Variants in GYS2 observed in about 807,000 individuals in gnomAD.
The protein encoded by GYS2 is glycogen [starch] synthase, liver.
Under a neutral mutation model 85.6 loss-of-function variants are expected in GYS2, and 80 were observed. The observed-to-expected ratio is 0.93, with a 90% CI of 0.78 to 1.13. GYS2 has a LOEUF of 1.13. Among genes scored for constraint, GYS2 ranks in the 50% most tolerant of loss-of-function variants. GYS2 has a pLI of 0.00. For missense variants in GYS2, 881 were observed against 854.9 expected, an observed-to-expected ratio of 1.03 and a Z score of -0.38; for synonymous variants, 328 against 300.7, an observed-to-expected ratio of 1.09 and a Z score of -0.94.
chr12:21,596,875 T>C (rs1267768307), intron 1 of GYS2, among the ~76,000 whole-genome samples: 2 of 152,160 alleles, frequency 1.3e-5, no homozygotes, highest in East Asian at 1.9e-4. Context: ...AGAAAGCTCC[T>C]AGAACTGATA....
chr12:21,592,644 G>A (rs1333363438), intron 1 of GYS2, among the ~76,000 whole-genome samples: 2 of 151,962 alleles, frequency 1.3e-5, no homozygotes, highest in Non-Finnish European at 2.9e-5. Flanking sequence ...TAAAGCAAAT[G>A]TTATTAGATA....
intron 5 of GYS2, among the ~76,000 whole-genome samples, chr12:21,566,142 G>A (rs1944317845): frequency 6.6e-6 from 1 of 152,062 alleles, no homozygotes; most frequent in Admixed American, 6.5e-5. Context: ...TAATGATATA[G>A]TAATAAATAT....
At chr12:21,592,289 A>G (rs1308825661) in intron 1 of GYS2, among the ~76,000 whole-genome samples, 1 of 152,020 alleles carries the variant, frequency 6.6e-6, no homozygotes, top group African/African-American at 2.4e-5. Context: ...AAGCTCTCAC[A>G]TGTCAATAAT....
rs75482762 is a variant in GYS2, at chr12:21,589,366, T to C, written c.122-8843A>G. Among the ~76,000 whole-genome samples, 8 of 152,320 alleles carry C rather than the reference T, an allele frequency of 5.3e-5. No homozygotes were observed. The East Asian group carries it at 1.5e-3, about 29-fold the overall frequency. ...TGAGGCCTTCAGATAGTCCCCCATA[T>C]AGCCTTAGAGTGTTTAAAATATGAT... On this transcript the variant is annotated intron_variant, in intron 1 of 15. Coordinates refer to ENST00000261195, the MANE Select transcript of GYS2 (RefSeq NM_021957.4).
chr12:21,576,158 G>A (rs991578803), intron 2 of GYS2, 101 bp from the exon 3 acceptor site: 3 of 907,570 alleles, frequency 3.3e-6, no homozygotes, highest in Middle Eastern at 2.1e-4. Flanking sequence ...GTACTCAATA[G>A]CAAATTAAAC....
intron 7 of GYS2, among the ~76,000 whole-genome samples, chr12:21,561,445 G>C (rs1269305257): frequency 1.3e-5 from 2 of 152,240 alleles, no homozygotes. Context: ...TTTTATTAGG[G>C]AAAGCTACTG....
intron 1 of GYS2, among the ~76,000 whole-genome samples, chr12:21,588,071 T>A (rs555262038): frequency 6.6e-6 from 1 of 152,336 alleles, no homozygotes; most frequent in Non-Finnish European, 1.5e-5. Context: ...CAATACTTTG[T>A]TCATGAGCTA....
intron 11 of GYS2, among the ~76,000 whole-genome samples, chr12:21,547,500 A>G (rs996456080): frequency 2.6e-5 from 4 of 152,186 alleles, no homozygotes; most frequent in Non-Finnish European, 5.9e-5. Flanking sequence ...GCATACTACT[A>G]AGTGAAAGAA....
intron 1 of GYS2, among the ~76,000 whole-genome samples, chr12:21,586,448 TATC>T (rs1944575040): frequency 1.3e-5 from 2 of 151,848 alleles, no homozygotes; most frequent in Admixed American, 1.3e-4. Flanking sequence ...TCTATCTATC[TATC>T]TATCTATCTA....
intron 13 of GYS2, among the ~76,000 whole-genome samples, chr12:21,541,858 C>T (rs1361788961): frequency 6.6e-6 from 1 of 152,040 alleles, no homozygotes; most frequent in South Asian, 2.1e-4. Context: ...CCCCTTCCCC[C>T]ACTCCCCACT....
At chr12:21,590,285 G>T (rs1944622501) in intron 1 of GYS2, among the ~76,000 whole-genome samples, 1 of 152,180 alleles carries the variant, frequency 6.6e-6, no homozygotes, top group Non-Finnish European at 1.5e-5. Context: ...CCACTGAGTG[G>T]CCTGAGGTCA....
intron 12 of GYS2, among the ~76,000 whole-genome samples, chr12:21,545,165 G>A (rs572891124): frequency 6.6e-6 from 1 of 152,278 alleles, no homozygotes; most frequent in South Asian, 2.1e-4. Flanking sequence ...TGAAGAGGCC[G>A]GGTGTGATGG....
intron 1 of GYS2, among the ~76,000 whole-genome samples, chr12:21,594,570 A>G (rs1003322195): frequency 4.6e-5 from 7 of 152,212 alleles, no homozygotes; most frequent in Admixed American, 6.5e-5. Flanking sequence ...TCGGAAAACT[A>G]CAAAACACTG....
Position 21,548,097 on chromosome 12 carries a change from TG to T in GYS2, c.1423-1628del, listed in dbSNP as rs558051450. Among the ~76,000 whole-genome samples the T allele has an allele frequency of 4.5e-4, 34 of 75,310 alleles. No homozygotes were observed. The South Asian group carries it at 7.7e-3, about 17-fold the overall frequency. 49.4% of individuals were successfully genotyped at this position (75,310 alleles called of 152,430 possible). A position where few individuals can be genotyped will look rare whatever the true frequency, so the allele number is the denominator to read the frequency against. On this transcript the variant is annotated intron_variant, in intron 11 of 15. Coordinates refer to ENST00000261195, the MANE Select transcript of GYS2 (RefSeq NM_021957.4). ...GACATAAATGTTGGTTGATTTCCTT[TG>T]TTAATGAGTAGAAGGAGCGGAAATA... is the stretch of plus-strand genomic sequence containing the variant.
At position 21,574,143 on chromosome 12, in the gene GYS2, C is replaced by A. The variant is rs775427530; in HGVS notation, c.678+1G>T. The A allele has an allele frequency of 6.2e-6, 10 of 1,604,838 alleles. No homozygotes were observed. Among genetic ancestry groups the A allele is most frequent in the Non-Finnish European group, 6.8e-6 (8 of 1,171,698 alleles). On this transcript the variant is annotated splice_donor_variant, in intron 4 of 15. Coordinates refer to ENST00000261195, the MANE Select transcript of GYS2 (RefSeq NM_021957.4). LOFTEE classifies it high-confidence loss of function. ...AGAGGGAGGGAGGAAGGAATATTTA[C>A]CTTATCAAGATGGTTGTAGAAATCA...
intron 5 of GYS2, among the ~76,000 whole-genome samples, chr12:21,564,314 C>A (rs6487239): frequency 0.7 from 106,056 of 151,510 alleles, 37,701 homozygotes; most frequent in South Asian, 0.79. Context: ...GCCTGTAGTC[C>A]CAGCTACTGG....
chr12:21,582,115 A>T (rs1367815050), intron 1 of GYS2, among the ~76,000 whole-genome samples: 1 of 152,194 alleles, frequency 6.6e-6, no homozygotes, highest in African/African-American at 2.4e-5. Flanking sequence ...CAAAAGGCTA[A>T]TATACAGAAT....
intron 1 of GYS2, among the ~76,000 whole-genome samples, chr12:21,596,427 A>T (rs1263051378): frequency 1.3e-5 from 2 of 152,216 alleles, no homozygotes; most frequent in African/African-American, 4.8e-5. Context: ...CATGCCAGGG[A>T]TGCAGGGTTG....
At chr12:21,597,042 T>C (rs374855091) in intron 1 of GYS2, among the ~76,000 whole-genome samples, 1 of 152,080 alleles carries the variant, frequency 6.6e-6, no homozygotes, top group East Asian at 1.9e-4. Flanking sequence ...TTTATTGCCA[T>C]ATAAAACGTA....
Sources: allele counts gnomAD v4.1 joint callset (sites outside exome capture counted in the v4.1 genomes callset), GRCh38; gene constraint gnomAD v4.1.1; transcripts MANE v1.5; gene names NCBI Gene and HGNC (gene_info 2026-07-23, HGNC 2026-07-21).